The following CERT1 variants were observed in gnomAD, a reference collection of about 807,000 sequenced individuals.
CERT1 encodes ceramide transfer protein.
In CERT1, 31 loss-of-function variants were observed where a neutral mutation model predicts 87.9. The ratio of observed to expected loss-of-function variants is 0.35; its 90% CI spans 0.27 to 0.48. The LOEUF (loss-of-function observed/expected upper bound fraction) is 0.48, where lower values mean the gene tolerates loss of function less well. Ranked by LOEUF, CERT1 falls within the 20% of genes least tolerant of loss-of-function variation. The pLI is 0.99. For missense variants in CERT1, 487 were observed against 758.0 expected, an observed-to-expected ratio of 0.64 and a Z score of 4.20; for synonymous variants, 289 against 250.9, an observed-to-expected ratio of 1.15 and a Z score of -1.44.
intron 8 of CERT1, among the ~76,000 whole-genome samples, chr5:75,409,537 T>C (rs1204474484): frequency 1.3e-5 from 2 of 152,184 alleles, no homozygotes; most frequent in African/African-American, 4.8e-5. Flanking sequence ...ATCAACACTT[T>C]TTTTTTTGAG....
At chr5:75,403,548 T>C (rs1034953950) in intron 8 of CERT1, among the ~76,000 whole-genome samples, 1 of 152,232 alleles carries the variant, frequency 6.6e-6, no homozygotes, top group African/African-American at 2.4e-5. Flanking sequence ...TTGAGACTTA[T>C]GACAGAGACA....
rs374689923 is a variant in CERT1 at position 75,420,583 on chromosome 5, A to G, written c.596-1159T>C. 1.4e-4 allele frequency among the ~76,000 whole-genome samples: 22 copies of G among 152,110 alleles called. 1 individual carries two copies. The South Asian group carries it at 4.2e-3, about 29-fold the overall frequency. ...ATCCGGTCTCAATCTCCTGACCATG[A>G]TATCAATTTTCATTCATCCCAGGCT... On this transcript the variant is annotated intron_variant, in intron 5 of 16. Transcript: ENST00000643780.
intron 3 of CERT1, among the ~76,000 whole-genome samples, chr5:75,448,230 C>T (rs1764635284): frequency 6.6e-6 from 1 of 152,138 alleles, no homozygotes; most frequent in South Asian, 2.1e-4. Flanking sequence ...TTCTATCCCT[C>T]TATATATCAG....
intron 3 of CERT1, among the ~76,000 whole-genome samples, chr5:75,452,649 T>C (rs4704218): frequency 0.055 from 8,430 of 152,232 alleles, 303 homozygotes; most frequent in East Asian, 0.18. Context: ...TGACAAATTA[T>C]ACAGAAAATG....
chr5:75,464,506 C>A (rs1459538843), intron 2 of CERT1, among the ~76,000 whole-genome samples: 5 of 152,208 alleles, frequency 3.3e-5, no homozygotes, highest in African/African-American at 9.6e-5. Context: ...CCTCTTTCCC[C>A]TTCTTGGCAC....
chr5:75,377,833 G>A lies in CERT1; in HGVS notation c.*1513C>T, dbSNP rs1168813662. ...TTTTTTGACAGACATTACCTGTCCA[G>A]GCTGGAGTGCAGTCGTGTAATCACA... On this transcript the variant is annotated 3_prime_UTR_variant, in exon 17 of 17. Transcript: ENST00000643780. 2 of 152,122 alleles carry A rather than the reference G, an allele frequency of 1.3e-5. No homozygotes were observed. The highest frequency in any genetic ancestry group is 2.9e-5 in the Non-Finnish European group (2 of 68,036). The allele number at this position is 152,122 out of a possible 1,614,324, so 9.4% of individuals were successfully genotyped here.
chr5:75,413,470 G>A (rs558023870), intron 7 of CERT1, among the ~76,000 whole-genome samples: 1 of 152,330 alleles, frequency 6.6e-6, no homozygotes, highest in African/African-American at 2.4e-5. Flanking sequence ...TAAGCCAGGT[G>A]CAGTGGCATG....
chr5:75,462,270 A>G (rs1765264639), intron 2 of CERT1, among the ~76,000 whole-genome samples: 1 of 152,238 alleles, frequency 6.6e-6, no homozygotes, highest in Admixed American at 6.5e-5. Context: ...TTTTGGGACC[A>G]GGGATCGGTT....
At chr5:75,501,222 G>A (rs1189599132) in intron 2 of CERT1, among the ~76,000 whole-genome samples, 2 of 151,960 alleles carry the variant, frequency 1.3e-5, no homozygotes, top group Non-Finnish European at 2.9e-5. Context: ...TTCAACTTCC[G>A]CTCTTGCAGC....
intron 3 of CERT1, among the ~76,000 whole-genome samples, chr5:75,446,311 A>T (rs552809521): frequency 6.6e-6 from 1 of 152,160 alleles, no homozygotes; most frequent in Non-Finnish European, 1.5e-5. Flanking sequence ...CATTTCAGTT[A>T]CTAGAGTTTC....
intron 9 of CERT1, chr5:75,400,854 G>A (rs745862464): frequency 6.6e-6 from 1 of 151,134 alleles, no homozygotes; most frequent in South Asian, 2.1e-4. Flanking sequence ...TCTTTAGTTT[G>A]CCTCAGTTGT....
chr5:75,425,455 A>G lies in CERT1; in HGVS notation c.501T>C (p.Phe167=), dbSNP rs2112183625. Residue 167 remains phenylalanine, a synonymous_variant, in exon 5 of 17, where the codon TTT becomes TTC. Transcript: ENST00000643780. ...CAACTTGTCTACATAAGATGTCTCTAAATGTTTCCATTTCAGCCAACTTCT... is the reference window on the plus strand; with the variant it reads ...CAACTTGTCTACATAAGATGTCTCTGAATGTTTCCATTTCAGCCAACTTCT... The part of the protein sequence containing the change: ...LREKLAEMET[F]RDILCRQVDT... The G allele has an allele frequency of 6.2e-6, 10 of 1,614,044 alleles. No individual in the cohort carries two copies. Among genetic ancestry groups the G allele is most frequent in the Non-Finnish European group, 8.5e-6 (10 of 1,179,910 alleles).
At chr5:75,439,373 TA>T (rs200769831) in intron 3 of CERT1, among the ~76,000 whole-genome samples, 17 of 149,096 alleles carry the variant, frequency 1.1e-4, no homozygotes, top group East Asian at 1.9e-4. Context: ...AGGTTGGCTT[TA>T]AAAAAAAAAT....
chr5:75,447,474 A>ATTTATTTT (rs1201247557), intron 3 of CERT1, among the ~76,000 whole-genome samples: 1 of 148,920 alleles, frequency 6.7e-6, no homozygotes, highest in African/African-American at 2.5e-5. Context: ...TTATTTATTT[A>ATTTATTTT]TTTTTTATTT....
Position 75,511,129 on chromosome 5 carries a change from A to G in CERT1, c.79T>C (p.Cys27Arg). 6.3e-7 allele frequency: 1 copy of G among 1,597,204 alleles called. No homozygotes were observed. Among genetic ancestry groups the G allele is most frequent in the Non-Finnish European group, 8.5e-7 (1 of 1,171,724 alleles). The change falls in exon 1 of 17, where the codon TGC (cysteine) becomes CGC (arginine). Residue 27 changes from cysteine to arginine, a missense_variant. Around this residue, in one of 8 missense-constraint regions of CERT1, gnomAD observed 173 missense variants for 302.2 expected, o/e 0.57. Transcript: ENST00000643780. ...ETESGPPVERCGVLSKWTNYI... is the reference protein window; with the variant it reads ...ETESGPPVERRGVLSKWTNYI... ...TTGCTCACCTTACTGAGGACCCCGCAGCGCTCCACAGGCGGCCCAGACTCC... is the reference window on the plus strand; with the variant it reads ...TTGCTCACCTTACTGAGGACCCCGCGGCGCTCCACAGGCGGCCCAGACTCC...
intron 3 of CERT1, among the ~76,000 whole-genome samples, chr5:75,430,425 C>A (rs1763816882): frequency 6.6e-6 from 1 of 151,966 alleles, no homozygotes; most frequent in Non-Finnish European, 1.5e-5. Context: ...AAAAGGTAAT[C>A]AAAAGCATGT....
intron 2 of CERT1, among the ~76,000 whole-genome samples, chr5:75,470,338 T>C (rs764662103): frequency 6.6e-6 from 1 of 152,170 alleles, no homozygotes; most frequent in African/African-American, 2.4e-5. Context: ...TGAAATCATA[T>C]AGAGTATCTT....
intron 11 of CERT1, among the ~76,000 whole-genome samples, chr5:75,390,580 C>A (rs1761989895): frequency 6.6e-6 from 1 of 152,056 alleles, no homozygotes; most frequent in Non-Finnish European, 1.5e-5. Flanking sequence ...CCAGAATTCT[C>A]AGATTTATTG....
chr5:75,379,588 C>CTT, intron 16 of CERT1, 115 bp from the exon 17 acceptor site: 38 of 864,768 alleles, frequency 4.4e-5, no homozygotes, highest in East Asian at 6.1e-5. Context: ...CAATTAGCAT[C>CTT]TTTTTTTTTT....
Sources: gnomAD v4.1 joint callset for allele counts (sites outside exome capture counted in the v4.1 genomes callset) on GRCh38, gnomAD v4.1.1 for gene constraint, gnomAD v4.1.1 regional missense constraint, MANE v1.5 for transcripts, NCBI Gene and HGNC (gene_info 2026-07-23, HGNC 2026-07-21) for gene names.